TEP1: variants seen among roughly 807,000 people sequenced by gnomAD.
TEP1 encodes the protein telomerase protein component 1.
In TEP1, 241 loss-of-function variants were observed where a neutral mutation model predicts 306.3. The ratio of observed to expected loss-of-function variants is 0.79; its 90% confidence interval spans 0.71 to 0.88. The LOEUF (loss-of-function observed/expected upper bound fraction) is 0.88. Ranked by LOEUF, TEP1 falls within the 40% of genes least tolerant of loss-of-function variation. TEP1 has a pLI of 0.00. For missense variants in TEP1, 3,051 were observed against 3,276.1 expected (o/e 0.93, Z 1.68); for synonymous variants, 1,289 against 1,305.5 (o/e 0.99, Z 0.27).
rs929740734 is a variant in TEP1 at position 20,389,841 on chromosome 14, G to A, written c.2335-101C>T. On this transcript the variant is annotated intron_variant, in intron 15 of 54. Transcript: ENST00000262715. ...AGGACAGGAGGATTAGGAGAACTCT[G>A]AGAGGAGTACCTCTCCTGAGAGCAC... 4 of 1,470,366 alleles carry A rather than the reference G, an allele frequency of 2.7e-6. No homozygotes were observed. In the East Asian group the frequency reaches 9.2e-5, roughly 34 times the overall value. 91.1% of individuals were successfully genotyped at this position (1,470,366 alleles called of 1,614,324 possible).
intron 12 of TEP1, among the ~76,000 whole-genome samples, chr14:20,392,873 C>T (rs1397940264): frequency 1.3e-5 from 2 of 152,018 alleles, no homozygotes; most frequent in Non-Finnish European, 2.9e-5. Flanking sequence ...TATTATTTGA[C>T]ATTTGTTTTA....
At position 20,377,887 on chromosome 14, in the gene TEP1, G is replaced by A. The variant is rs889206589; in HGVS notation, c.5722-134C>T. On this transcript the variant is annotated intron_variant, in intron 39 of 54. Transcript: ENST00000262715. ...CATGAGAGCTGCCCCTGCACACAGC[G>A]GCACCCCTCTCCCCGTGGTTCCTGC... The A allele has an allele frequency of 2.3e-5, 33 of 1,450,954 alleles. No homozygotes were observed. The East Asian group carries it at 4.4e-4, about 19-fold the overall frequency. The allele number at this position is 1,450,954 out of a possible 1,614,324, so 89.9% of individuals were successfully genotyped here.
At position 20,381,800 on chromosome 14, in the gene TEP1, G is replaced by C; in HGVS notation, c.4424+113C>G. ...AATAGCGGAAACTGGAGCAGCTGGA[G>C]CAGTAGCTCATTCATGGTCTGGGAG... On this transcript the variant is annotated intron_variant, in intron 30 of 54. Coordinates refer to ENST00000262715, the MANE Select transcript of TEP1 (RefSeq NM_007110.5). The surrounding 1 kb of genome is among the most constrained non-coding windows in gnomAD (Gnocchi z 4.0). The C allele has an allele frequency of 6.5e-7, 1 of 1,538,166 alleles. No individual in the cohort carries two copies. Among genetic ancestry groups the C allele is most frequent in the Admixed American group, 2.0e-5 (1 of 49,256 alleles).
intron 49 of TEP1, among the ~76,000 whole-genome samples, chr14:20,372,350 A>C (rs558039664): frequency 6.7e-6 from 1 of 149,810 alleles, no homozygotes; most frequent in South Asian, 2.1e-4. Context: ...CAAATTTTGA[A>C]GCCCCAGGAA....
At position 20,373,802 on chromosome 14, in the gene TEP1, G is replaced by A. The variant is rs138800320; in HGVS notation, c.6480C>T (p.His2160=). The A allele has an allele frequency of 9.9e-5, 160 of 1,612,932 alleles. No homozygotes were observed. Among genetic ancestry groups the A allele is most frequent in the Middle Eastern group, 3.8e-4 (2 of 5,292 alleles). ...TCCCATCCCGGCTCACAGACACCACGTGCTCCTCCTGCCCACAGAGCACAA... is the reference window on the plus strand; with the variant it reads ...TCCCATCCCGGCTCACAGACACCACATGCTCCTCCTGCCCACAGAGCACAA... The part of the protein sequence containing the change: ...AVSAVAAVEE[H]VVSVSRDGTL... The change falls in exon 45 of 55, where the codon CAC becomes CAT. Residue 2160 remains histidine (H), a synonymous_variant. Transcript: ENST00000262715.
rs779704233 is a variant in TEP1, at chr14:20,377,782, ACCACCT to A, written c.5722-35_5722-30del. Reference sequence around the variant, plus strand: ...GGAACCAAGAAAAGGGCTTAAGGATACCACCTCCACCACGCGGTCCTCCTTCCTGTT... The same window carrying A: ...GGAACCAAGAAAAGGGCTTAAGGATACCACCACGCGGTCCTCCTTCCTGTT... On this transcript the variant is annotated intron_variant, in intron 39 of 54. Transcript: ENST00000262715. 2.5e-5 allele frequency: 40 copies of A among 1,609,440 alleles called. No individual in the cohort carries two copies. The South Asian group carries it at 2.6e-4, about 11-fold the overall frequency.
intron 20 of TEP1, 109 bp from the exon 21 acceptor site, chr14:20,385,218 C>T (rs1356223695): frequency 1.4e-6 from 2 of 1,386,882 alleles, no homozygotes; most frequent in Non-Finnish European, 2.0e-6. Context: ...TCTCTCCTTC[C>T]CTCCAGGCAC....
At position 20,369,365 on chromosome 14, in the gene TEP1, T is replaced by G. The variant is rs1285804701; in HGVS notation, c.7635A>C (p.Leu2545=). 4 of 1,614,034 alleles carry G rather than the reference T, an allele frequency of 2.5e-6. No homozygotes were observed. Among genetic ancestry groups the G allele is most frequent in the Non-Finnish European group, 3.4e-6 (4 of 1,179,956 alleles). Reference sequence around the variant, plus strand: ...TCACCTTTCTACGCTGCCGTGTCTTTAGATGTGGTGTTGGCTCACTATCCA... The same window carrying G: ...TCACCTTTCTACGCTGCCGTGTCTTGAGATGTGGTGTTGGCTCACTATCCA... The part of the protein sequence containing the change: ...ASMDSEPTPH[L]KTRQRRKIHS... The change falls in exon 53 of 55, where the codon CTA becomes CTC. Residue 2545 remains leucine, a synonymous_variant. Coordinates refer to ENST00000262715, the MANE Select transcript of TEP1 (RefSeq NM_007110.5).
At position 20,405,536 on chromosome 14, in the gene TEP1, A is replaced by G. The variant is rs148090256; in HGVS notation, c.785T>C (p.Met262Thr). Residue 262 changes from methionine to threonine, a missense_variant, in exon 4 of 55, where the codon ATG becomes ACG. Physicochemically the swap from Met to Thr is moderately conservative, Grantham distance 81. Transcript: ENST00000262715. ...CAGGGTGGGGTCAGATGTATTGTTC[A>G]TGTTTACTTCTGAGACCAGAGTAGA... The part of the protein sequence containing the change: ...LCSTLVSEVN[M>T]NNTSDPTLAA... 1,853 of 1,614,208 alleles carry G rather than the reference A, an allele frequency of 1.1e-3. 23 individuals are homozygous for G. In the African/African-American group the frequency reaches 0.022, roughly 19 times the overall value.
At chr14:20,394,631 C>G (rs564448905) in intron 12 of TEP1, among the ~76,000 whole-genome samples, 2 of 152,258 alleles carry the variant, frequency 1.3e-5, no homozygotes, top group African/African-American at 4.8e-5. Flanking sequence ...AGGCACCCAC[C>G]ACCACACCCG....
At chr14:20,373,837 A>G in intron 44 of TEP1, 27 bp from the exon 45 acceptor site, 1 of 1,608,110 alleles carries the variant, frequency 6.2e-7, no homozygotes, top group East Asian at 2.2e-5. Context: ...AGATCAGAGC[A>G]GAGTCATATT....
intron 10 of TEP1, 32 bp from the exon 11 acceptor site, chr14:20,395,981 A>G (rs747193522): frequency 2.5e-6 from 4 of 1,589,976 alleles, no homozygotes; most frequent in Non-Finnish European, 3.5e-6. Flanking sequence ...GGTCATGAGC[A>G]CAGGAGCCGG....
rs1319972777 is a variant in TEP1, at chr14:20,382,243, G to C, written c.4254C>G (p.Ala1418=). The stretch of plus-strand genomic sequence containing the variant: ...ACTGACCACTCCGTGTGACTTCTAG[G>C]GCAGTCAAGGCCTGGGGAAGGACAT... ...GPDVLPQALT[A]LEVTRSGLTV... Residue 1418 remains alanine, a synonymous_variant, in exon 29 of 55, where the codon GCC becomes GCG. Coordinates refer to ENST00000262715, the MANE Select transcript of TEP1 (RefSeq NM_007110.5). The C allele has an allele frequency of 1.9e-6, 3 of 1,614,032 alleles. No individual in the cohort carries two copies. Among genetic ancestry groups the C allele is most frequent in the Non-Finnish European group, 2.5e-6 (3 of 1,180,034 alleles).
intron 35 of TEP1, 68 bp from the exon 36 acceptor site, chr14:20,379,173 G>A (rs958110835): frequency 1.3e-6 from 2 of 1,568,812 alleles, no homozygotes; most frequent in African/African-American, 1.4e-5. Flanking sequence ...ACCACTCCAG[G>A]CCCCACCCAA....
chr14:20,390,364 C>T (rs966382354), intron 15 of TEP1, among the ~76,000 whole-genome samples: 2 of 152,232 alleles, frequency 1.3e-5, no homozygotes, highest in African/African-American at 4.8e-5. Context: ...GAGAATACTA[C>T]ACAGCAGTGT....
At position 20,366,470 on chromosome 14, in the gene TEP1, A is replaced by C. The variant is rs1311983695; in HGVS notation, c.*1967T>G. On this transcript the variant is annotated 3_prime_UTR_variant, in exon 55 of 55. Transcript: ENST00000262715. ...ACTAGGACTTCTAGTCACAAGGTAG[A>C]TGTGGAAATGATGGTCCAGAAGGTA... 6.6e-6 allele frequency: 1 copy of C among 152,226 alleles called. No individual in the cohort carries two copies. The highest frequency in any genetic ancestry group is 2.4e-5 in the African/African-American group (1 of 41,456). The allele number at this position is 152,226 out of a possible 1,614,324, so 9.4% of individuals were successfully genotyped here.
Position 20,378,432 on chromosome 14 carries a change from C to A in TEP1, c.5456G>T (p.Ser1819Ile). The change falls in exon 38 of 55, where the codon AGC becomes ATC. Residue 1819 changes from serine (S) to isoleucine (I), a missense_variant. This residue lies in a region of TEP1 where 1,540 missense variants were observed against 1,705.9 expected (regional missense o/e 0.90). Coordinates refer to ENST00000262715, the MANE Select transcript of TEP1 (RefSeq NM_007110.5). Reference protein sequence around the residue: ...HPEGQVIATGSWAGSISFFQV... With the variant: ...HPEGQVIATGIWAGSISFFQV... The stretch of plus-strand genomic sequence containing the variant: ...GAAGAAGCTGATGCTGCCAGCCCAG[C>A]TGCCTGTGGCTATTACCTGCCCCTC... The A allele has an allele frequency of 6.2e-7, 1 of 1,614,260 alleles. No homozygotes were observed.
At chr14:20,379,812 G>T in intron 35 of TEP1, 118 bp downstream of exon 35, 1 of 1,344,560 alleles carries the variant, frequency 7.4e-7, no homozygotes, top group Non-Finnish European at 1.0e-6. Flanking sequence ...TGATGTGCAG[G>T]CAGTAAAGTT....
At chr14:20,408,857 T>G (rs1879412709) in intron 1 of TEP1, among the ~76,000 whole-genome samples, 1 of 149,106 alleles carries the variant, frequency 6.7e-6, no homozygotes, top group African/African-American at 2.5e-5. Flanking sequence ...CAAAAAGGAA[T>G]GGCTGGAGAG....
Sources: gnomAD v4.1 joint callset for allele counts (sites outside exome capture counted in the v4.1 genomes callset) on GRCh38, gnomAD v4.1.1 for gene constraint, gnomAD v4.1.1 regional missense constraint, Gnocchi (gnomAD v3.1) non-coding constraint, MANE v1.5 for transcripts, NCBI Gene and HGNC (gene_info 2026-07-23, HGNC 2026-07-21) for gene names.